Variants in IQCE observed in about 807,000 individuals in gnomAD.
IQCE encodes IQ domain-containing protein E.
Under a neutral mutation model 96.0 loss-of-function variants are expected in IQCE, and 115 were observed. The ratio of observed to expected loss-of-function variants is 1.20; its 90% confidence interval spans 1.03 to 1.40. IQCE has a LOEUF of 1.40. IQCE is among the 40% of genes most tolerant of loss of function. The pLI is 0.00. For missense variants in IQCE, 1,041 were observed against 909.1 expected (o/e 1.15, Z -1.87); for synonymous variants, 412 against 371.2 (o/e 1.11, Z -1.26).
chr7:2,580,361 G>T (rs534766345), intron 8 of IQCE: 1 of 152,170 alleles, frequency 6.6e-6, no homozygotes, highest in African/African-American at 2.4e-5. Context: ...TGTAATCCCA[G>T]CACTTTGGGA....
chr7:2,583,680 C>A lies in IQCE; in HGVS notation c.745C>A (p.Arg249=). 3 of 1,564,522 alleles carry A rather than the reference C, an allele frequency of 1.9e-6. No individual in the cohort carries two copies. The highest frequency in any genetic ancestry group is 2.6e-6 in the Non-Finnish European group (3 of 1,149,956). The change falls in exon 10 of 22, where the codon CGG becomes AGG. Residue 249 remains arginine, a synonymous_variant. Transcript: ENST00000402050. ...DMKTTNLEEM[R]IAMETYYEEV... ...GAAGACTACCAACCTGGAAGAGATG[C>A]GGATCGCCATGGAGACATACTACGA...
intron 10 of IQCE, 102 bp from the exon 11 acceptor site, chr7:2,584,134 C>T: frequency 9.7e-7 from 1 of 1,027,152 alleles, no homozygotes; most frequent in South Asian, 1.3e-5. Context: ...GTTCCCGCTT[C>T]TGGCCGTAGG....
At chr7:2,572,495 C>T (rs1781829007) in intron 5 of IQCE, among the ~76,000 whole-genome samples, 169 bp downstream of exon 5, 1 of 152,298 alleles carries the variant, frequency 6.6e-6, no homozygotes, top group South Asian at 2.1e-4. Flanking sequence ...CACAGTGACT[C>T]ACAAAAACCC....
At chr7:2,572,168 T>TAAACCCATGCACATTCA (rs1562627611) in intron 4 of IQCE, 24 bp from the exon 5 acceptor site, 1 of 1,604,250 alleles carries the variant, frequency 6.2e-7, no homozygotes. Context: ...TCTGTCATAT[T>TAAACCCATGCACATTCA]AAACCCATGC....
At chr7:2,606,635 C>G (rs549846875) in intron 20 of IQCE, among the ~76,000 whole-genome samples, 68 of 152,252 alleles carry the variant, frequency 4.5e-4, no homozygotes, top group African/African-American at 1.4e-3. Context: ...CGCGGCCACC[C>G]AGCACTTCCG....
intron 5 of IQCE, 71 bp downstream of exon 5, chr7:2,572,397 A>G: frequency 4.7e-6 from 7 of 1,505,344 alleles, no homozygotes; most frequent in South Asian, 2.5e-5. Flanking sequence ...TCTGGGCTGG[A>G]GGCGTCCTTC....
intron 4 of IQCE, 94 bp downstream of exon 4, chr7:2,571,748 T>C (rs1781771087): frequency 7.8e-7 from 1 of 1,276,872 alleles, no homozygotes; most frequent in East Asian, 2.3e-5. Context: ...TAATATTCCT[T>C]GTTTGAATTA....
chr7:2,580,719 T>C (rs1020839771), intron 8 of IQCE, among the ~76,000 whole-genome samples: 31 of 151,810 alleles, frequency 2.0e-4, no homozygotes, highest in Non-Finnish European at 3.7e-4. Context: ...ATTTGTTGAA[T>C]GTTAGAATAA....
At chr7:2,584,099 C>G (rs1213208334) in intron 10 of IQCE, 137 bp from the exon 11 acceptor site, 2 of 792,496 alleles carry the variant, frequency 2.5e-6, no homozygotes, top group Admixed American at 1.8e-5. Context: ...TTCAGCCCAA[C>G]GGAAAGATGA....
At chr7:2,602,159 A>C (rs923019237) in intron 18 of IQCE, among the ~76,000 whole-genome samples, 1 of 152,172 alleles carries the variant, frequency 6.6e-6, no homozygotes, top group African/African-American at 2.4e-5. Context: ...GTGACATGCA[A>C]GGTGGGCCTC....
Position 2,614,216 on chromosome 7 carries a change from G to A in IQCE, c.*4054G>A, listed in dbSNP as rs1442896312. 5 of 152,178 alleles carry A rather than the reference G, an allele frequency of 3.3e-5. No individual in the cohort carries two copies. The highest frequency in any genetic ancestry group is 1.9e-4 in the East Asian group (1 of 5,202). 9.4% of individuals were successfully genotyped at this position (152,178 alleles called of 1,614,324 possible). A position where few individuals can be genotyped will look rare whatever the true frequency, so the allele number is the denominator to read the frequency against. On this transcript the variant is annotated 3_prime_UTR_variant, in exon 22 of 22. Transcript: ENST00000402050. ...AGCAAAGCTTGGCTGCATTTTTGAG[G>A]AATAAAAACCTGCAGAAAGCACCGA...
In IQCE at chr7:2,584,300, T is replaced by G; in HGVS notation, c.824+15T>G. The G allele has an allele frequency of 6.2e-7, 1 of 1,613,430 alleles. No individual in the cohort carries two copies. The highest frequency in any genetic ancestry group is 1.3e-5 in the African/African-American group (1 of 75,040). Reference sequence around the variant, plus strand: ...ACCGGAAAGAAGTATGATGGCCGCTTGCAAGCTGTGTTTTGTGTGTTGCCT... The same window carrying G: ...ACCGGAAAGAAGTATGATGGCCGCTGGCAAGCTGTGTTTTGTGTGTTGCCT... On this transcript the variant is annotated intron_variant, in intron 11 of 21. Transcript: ENST00000402050.
chr7:2,601,169 G>A (rs1784404395), intron 17 of IQCE, among the ~76,000 whole-genome samples: 2 of 152,208 alleles, frequency 1.3e-5, no homozygotes, highest in African/African-American at 2.4e-5. Context: ...CCAGGGGACT[G>A]GCACACGGCA....
chr7:2,576,695 G>A (rs1190330669), intron 6 of IQCE, among the ~76,000 whole-genome samples: 6 of 152,034 alleles, frequency 3.9e-5, no homozygotes, highest in Admixed American at 3.9e-4. Flanking sequence ...CACCGTGCCC[G>A]GCCCCGACTA....
chr7:2,593,193 C>T, intron 15 of IQCE, 67 bp downstream of exon 15: 3 of 1,522,210 alleles, frequency 2.0e-6, no homozygotes, highest in Non-Finnish European at 8.9e-7. Flanking sequence ...CACTGCGGCC[C>T]CCCGTGGCGT....
chr7:2,601,427 T>G lies in IQCE; in HGVS notation c.1609-14T>G. ...GTTAATTCATGTATTTTTTCTTTCT[T>G]TTTTTTTTTCCAGAAAAAAAAGGCT... On this transcript the variant is annotated splice_polypyrimidine_tract_variant and intron_variant, in intron 17 of 21. Coordinates refer to ENST00000402050, the MANE Select transcript of IQCE (RefSeq NM_152558.5). 3 of 1,461,944 alleles carry G rather than the reference T, an allele frequency of 2.1e-6. No individual in the cohort carries two copies. Among genetic ancestry groups the G allele is most frequent in the Non-Finnish European group, 2.8e-6 (3 of 1,064,446 alleles). The allele number at this position is 1,461,944 out of a possible 1,614,324, so 90.6% of individuals were successfully genotyped here. A position where few individuals can be genotyped will look rare whatever the true frequency, so the allele number is the denominator to read the frequency against.
intron 16 of IQCE, among the ~76,000 whole-genome samples, chr7:2,597,841 A>G (rs190944737): frequency 6.6e-5 from 10 of 151,496 alleles, no homozygotes; most frequent in Admixed American, 1.3e-4. Context: ...TATTTTTTAA[A>G]TTTTTTCATA....
At chr7:2,605,571 G>A (rs1209992515) in intron 19 of IQCE, among the ~76,000 whole-genome samples, 1 of 152,016 alleles carries the variant, frequency 6.6e-6, no homozygotes, top group African/African-American at 2.4e-5. Context: ...AGTGAGTCGA[G>A]ATCACGCCAC....
At chr7:2,567,709 A>G (rs2128432262) in intron 2 of IQCE, among the ~76,000 whole-genome samples, 1 of 152,322 alleles carries the variant, frequency 6.6e-6, no homozygotes, top group Admixed American at 6.5e-5. Context: ...ATGAGCGAAA[A>G]AAGCTTTTCT....
Sources: allele counts gnomAD v4.1 joint callset (sites outside exome capture counted in the v4.1 genomes callset), GRCh38; gene constraint gnomAD v4.1.1; transcripts MANE v1.5; gene names NCBI Gene and HGNC (gene_info 2026-07-23, HGNC 2026-07-21).